ANGPT1: variants seen among roughly 807,000 people sequenced by gnomAD.
ANGPT1 encodes angiopoietin 1, also known as angiopoietin-1.
ANGPT1 carries 17 observed loss-of-function variants against 62.2 expected under a neutral mutation model. The ratio of observed to expected loss-of-function variants is 0.27; its 90% CI spans 0.19 to 0.41. The LOEUF is 0.41. Among genes scored for constraint, ANGPT1 ranks in the 10% least tolerant of loss-of-function variants. The probability of loss-of-function intolerance (pLI) is 1.00; values close to 1 mark genes in which losing one functional copy is unlikely to be tolerated. For synonymous variants in ANGPT1, 199 were observed against 198.9 expected (o/e 1.00, Z 0.00); for missense variants, 478 against 594.9 (o/e 0.80, Z 2.04).
At chr8:107,373,645 G>A (rs1816463015) in intron 1 of ANGPT1, among the ~76,000 whole-genome samples, 1 of 152,144 alleles carries the variant, frequency 6.6e-6, no homozygotes, top group Non-Finnish European at 1.5e-5. Flanking sequence ...GATGATGGAA[G>A]TTTTTCTTTC....
chr8:107,483,984 A>G (rs1812751332), intron 1 of ANGPT1, among the ~76,000 whole-genome samples: 1 of 152,224 alleles, frequency 6.6e-6, no homozygotes, highest in African/African-American at 2.4e-5. Context: ...CATTTTCCCT[A>G]AGAACATCAG....
intron 4 of ANGPT1, among the ~76,000 whole-genome samples, chr8:107,310,731 A>G (rs940234189): frequency 2.0e-5 from 3 of 152,186 alleles, no homozygotes; most frequent in African/African-American, 4.8e-5. Flanking sequence ...GTCCCAAAGC[A>G]GCCATATTGG....
rs186940821 is a variant in ANGPT1, at chr8:107,424,953, C to A, written c.297+72309G>T. Among the ~76,000 whole-genome samples, 1,141 of 152,282 alleles carry A rather than the reference C, an allele frequency of 7.5e-3. 6 individuals are homozygous for A. The highest frequency in any genetic ancestry group is 8.3e-3 in the Non-Finnish European group (562 of 68,032). Reference sequence around the variant, plus strand: ...GCAGTGGCATCATCTCGACTCACTGCAACCTTCGCCTCCCGGGTTCAAGTG... The same window carrying A: ...GCAGTGGCATCATCTCGACTCACTGAAACCTTCGCCTCCCGGGTTCAAGTG... On this transcript the variant is annotated intron_variant, in intron 1 of 8. Transcript: ENST00000517746.
chr8:107,417,213 T>C (rs1445458682), intron 1 of ANGPT1, among the ~76,000 whole-genome samples: 1 of 152,126 alleles, frequency 6.6e-6, no homozygotes, highest in Non-Finnish European at 1.5e-5. Context: ...TAAAAACCTA[T>C]ATGTATGTGA....
At chr8:107,423,423 A>T (rs1452150680) in intron 1 of ANGPT1, among the ~76,000 whole-genome samples, 1 of 152,126 alleles carries the variant, frequency 6.6e-6, no homozygotes, top group African/African-American at 2.4e-5. Context: ...TCCACATCAG[A>T]CAGCTGGATG....
chr8:107,448,536 C>T (rs904605139), intron 1 of ANGPT1, among the ~76,000 whole-genome samples: 7 of 152,010 alleles, frequency 4.6e-5, no homozygotes, highest in Non-Finnish European at 7.4e-5. Context: ...TCTGCTCTTA[C>T]GGTGTATGTT....
rs183892803 is a variant in ANGPT1 at position 107,300,908 on chromosome 8, C to A, written c.936+2332G>T. On this transcript the variant is annotated intron_variant, in intron 5 of 8. Transcript: ENST00000517746. ...CATGGAAGGAGTAAATTGGATTCTC[C>A]AACATTCTATTTTATGTAAGCATGA... 9.2e-5 allele frequency among the ~76,000 whole-genome samples: 14 copies of A among 151,952 alleles called. No homozygotes were observed. In the East Asian group the frequency reaches 2.7e-3, roughly 29 times the overall value.
At chr8:107,389,997 G>A (rs1001075877) in intron 1 of ANGPT1, among the ~76,000 whole-genome samples, 1 of 150,404 alleles carries the variant, frequency 6.6e-6, no homozygotes, top group Admixed American at 6.6e-5. Context: ...GCATTTTATT[G>A]TTCCTACTTC....
intron 5 of ANGPT1, chr8:107,295,661 T>C (rs963553023): frequency 6.6e-6 from 1 of 152,044 alleles, no homozygotes; most frequent in Non-Finnish European, 1.5e-5. Context: ...AAGAAAATGA[T>C]CATAGTTTTG....
At chr8:107,406,818 GTCA>G (rs1388022133) in intron 1 of ANGPT1, among the ~76,000 whole-genome samples, 12 of 150,322 alleles carry the variant, frequency 8.0e-5, no homozygotes, top group Non-Finnish European at 1.3e-4. Context: ...TACTACGTAA[GTCA>G]TCATCATGAA....
chr8:107,430,371 T>C (rs887001358), intron 1 of ANGPT1, among the ~76,000 whole-genome samples: 1 of 152,340 alleles, frequency 6.6e-6, no homozygotes, highest in East Asian at 1.9e-4. Flanking sequence ...CAGCACCTTG[T>C]CACATTTTAC....
chr8:107,285,143 C>T (rs1290016113), intron 6 of ANGPT1, among the ~76,000 whole-genome samples: 1 of 151,972 alleles, frequency 6.6e-6, no homozygotes, highest in East Asian at 1.9e-4. Context: ...AAACAATTCT[C>T]AATTCAAGGT....
chr8:107,375,597 T>A (rs1816514680), intron 1 of ANGPT1, among the ~76,000 whole-genome samples: 1 of 152,162 alleles, frequency 6.6e-6, no homozygotes. Flanking sequence ...ACCTGATATG[T>A]GTATTGAGCA....
intron 7 of ANGPT1, among the ~76,000 whole-genome samples, chr8:107,280,303 T>A (rs1813974261): frequency 6.6e-6 from 1 of 151,916 alleles, no homozygotes; most frequent in African/African-American, 2.4e-5. Context: ...GGGGTTCAAG[T>A]GATTCTCTTG....
intron 8 of ANGPT1, among the ~76,000 whole-genome samples, chr8:107,255,645 A>G (rs1813341531): frequency 6.6e-6 from 1 of 152,180 alleles, no homozygotes. Context: ...TGTGGCAAGT[A>G]CCATAATAAA....
intron 6 of ANGPT1, among the ~76,000 whole-genome samples, chr8:107,288,303 C>G (rs577685434): frequency 6.6e-6 from 1 of 152,074 alleles, no homozygotes; most frequent in Non-Finnish European, 1.5e-5. Flanking sequence ...TTATTCTTAC[C>G]TTTGCTTCCA....
chr8:107,415,209 A>G (rs1224435464), intron 1 of ANGPT1, among the ~76,000 whole-genome samples: 1 of 152,162 alleles, frequency 6.6e-6, no homozygotes, highest in Non-Finnish European at 1.5e-5. Flanking sequence ...ATTTGTGAAC[A>G]TGGCATACAG....
chr8:107,379,055 TA>T (rs1369434024), intron 1 of ANGPT1, among the ~76,000 whole-genome samples: 14 of 152,024 alleles, frequency 9.2e-5, no homozygotes, highest in African/African-American at 3.4e-4. Flanking sequence ...ATTTTATATA[TA>T]AACAATGTTA....
intron 1 of ANGPT1, among the ~76,000 whole-genome samples, chr8:107,441,136 T>C (rs1811464218): frequency 6.6e-6 from 1 of 152,238 alleles, no homozygotes; most frequent in Non-Finnish European, 1.5e-5. Context: ...GGCTTTGATT[T>C]GTTTCTGGTA....
Sources: gnomAD v4.1 joint callset for allele counts (sites outside exome capture counted in the v4.1 genomes callset) on GRCh38, gnomAD v4.1.1 for gene constraint, MANE v1.5 for transcripts, NCBI Gene and HGNC (gene_info 2026-07-23, HGNC 2026-07-21) for gene names.